The following NCOA3 variants were observed in gnomAD, a reference collection of about 807,000 sequenced individuals.
NCOA3 encodes CBP-interacting protein.
Under a neutral mutation model 158.8 loss-of-function variants are expected in NCOA3, and 51 were observed. The observed-to-expected ratio is 0.32, with a 90% CI of 0.26 to 0.41. The LOEUF (loss-of-function observed/expected upper bound fraction) is 0.41, where lower values mean the gene tolerates loss of function less well. NCOA3 is among the 10% of genes least tolerant of loss of function. The pLI, the probability that NCOA3 is intolerant of heterozygous loss-of-function variation, is 1.00. For missense variants in NCOA3, 1,510 were observed against 1,746.6 expected (o/e 0.86, Z 2.41); for synonymous variants, 537 against 592.4 (o/e 0.91, Z 1.36).
At position 47,635,518 on chromosome 20, in the gene NCOA3, A is replaced by C; in HGVS notation, c.1309A>C (p.Ser437Arg). The change falls in exon 11 of 23, where the codon AGT becomes CGT. Residue 437 changes from serine (S) to arginine (R), a missense_variant. This residue lies in a region of NCOA3 where 1,017 missense variants were observed against 1,098.3 expected (regional missense o/e 0.93). Coordinates refer to ENST00000371998, the MANE Select transcript of NCOA3 (RefSeq NM_181659.3). ...QMSGARYGGS[S>R]NIASLTPGPG... ...GAGTGGAGCTAGGTATGGGGGTTCC[A>C]GTAACATAGCTTCATTGACCCCTGG... 6.2e-7 allele frequency: 1 copy of C among 1,614,152 alleles called. No individual in the cohort carries two copies. Among genetic ancestry groups the C allele is most frequent in the South Asian group, 1.1e-5 (1 of 91,088 alleles).
intron 17 of NCOA3, among the ~76,000 whole-genome samples, chr20:47,646,714 A>G (rs187325479): frequency 6.6e-5 from 10 of 152,268 alleles, no homozygotes; most frequent in Middle Eastern, 3.4e-3. Flanking sequence ...AGTGTTGCGA[A>G]GTACAGTGGG....
At chr20:47,595,599 A>G (rs1482710066) in intron 2 of NCOA3, among the ~76,000 whole-genome samples, 1 of 152,178 alleles carries the variant, frequency 6.6e-6, no homozygotes, top group Non-Finnish European at 1.5e-5. Context: ...CTAAACTGTT[A>G]GAATAGCTGT....
At chr20:47,632,534 C>G (rs375397436) in intron 8 of NCOA3, among the ~76,000 whole-genome samples, 2 of 151,810 alleles carry the variant, frequency 1.3e-5, no homozygotes, top group African/African-American at 4.8e-5. Flanking sequence ...ATTACAGGTA[C>G]GCACCACCAC....
intron 2 of NCOA3, among the ~76,000 whole-genome samples, chr20:47,602,055 T>A (rs1158749900): frequency 6.6e-6 from 1 of 152,258 alleles, no homozygotes; most frequent in Non-Finnish European, 1.5e-5. Flanking sequence ...TTTAATGAGC[T>A]CAATATATTA....
intron 2 of NCOA3, among the ~76,000 whole-genome samples, chr20:47,617,990 G>A (rs1460193629): frequency 6.6e-6 from 1 of 152,090 alleles, no homozygotes; most frequent in Admixed American, 6.6e-5. Context: ...TGATTGCAGC[G>A]CTTTGGGAGG....
chr20:47,534,530 A>G (rs1372289411), intron 1 of NCOA3, among the ~76,000 whole-genome samples: 1 of 152,104 alleles, frequency 6.6e-6, no homozygotes, highest in Admixed American at 6.5e-5. Context: ...GAAAATGTCT[A>G]TTTATTGTAT....
chr20:47,560,775 TG>T (rs1317040112), intron 1 of NCOA3, among the ~76,000 whole-genome samples: 1 of 152,172 alleles, frequency 6.6e-6, no homozygotes, highest in Non-Finnish European at 1.5e-5. Flanking sequence ...TATTTTGGAA[TG>T]TAAATTCTCG....
chr20:47,584,313 A>T (rs1011629573), intron 2 of NCOA3, among the ~76,000 whole-genome samples: 1 of 152,092 alleles, frequency 6.6e-6, no homozygotes. Context: ...AAGTAAATAA[A>T]TAAATAATTA....
chr20:47,548,636 C>T (rs1313491196), intron 1 of NCOA3, among the ~76,000 whole-genome samples: 4 of 152,116 alleles, frequency 2.6e-5, no homozygotes, highest in East Asian at 3.8e-4. Flanking sequence ...TGGTACATGT[C>T]GATAGACATT....
At position 47,588,553 on chromosome 20, in the gene NCOA3, T is replaced by C. The variant is rs541509802; in HGVS notation, c.-20+5292T>C. 2.6e-5 allele frequency among the ~76,000 whole-genome samples: 4 copies of C among 152,348 alleles called. No homozygotes were observed. The East Asian group carries it at 7.7e-4, about 29-fold the overall frequency. On this transcript the variant is annotated intron_variant, in intron 2 of 22. Coordinates refer to ENST00000371998, the MANE Select transcript of NCOA3 (RefSeq NM_181659.3). ...TGCTGCCTCCCATTCTGATTTTTAT[T>C]TTTGTAATATGTAGAATAATAACAT...
chr20:47,618,347 A>ATT (rs2086174061), intron 2 of NCOA3, among the ~76,000 whole-genome samples: 1 of 96,474 alleles, frequency 1.0e-5, no homozygotes, highest in Admixed American at 1.0e-4. Context: ...ATTTTCCCTT[A>ATT]GTTTTTTTTT....
chr20:47,554,894 T>G (rs1318493856), intron 1 of NCOA3, among the ~76,000 whole-genome samples: 2 of 152,120 alleles, frequency 1.3e-5, no homozygotes. Context: ...GAGCCCACAT[T>G]GCCAAGTCAA....
Position 47,529,001 on chromosome 20 carries a change from G to A in NCOA3, c.-99+26982G>A, listed in dbSNP as rs371724937. 1.4e-3 allele frequency among the ~76,000 whole-genome samples: 219 copies of A among 151,788 alleles called. 2 individuals carry two copies. Among genetic ancestry groups the A allele is most frequent in the African/African-American group, 5.1e-3 (212 of 41,446 alleles). On this transcript the variant is annotated intron_variant, in intron 1 of 22. Coordinates refer to ENST00000371998, the MANE Select transcript of NCOA3 (RefSeq NM_181659.3). ...AGGCTGGTCTCGAACTCCCGACCTC[G>A]GGTGATCCACCCGCCTTGGCCTCCC...
intron 4 of NCOA3, among the ~76,000 whole-genome samples, chr20:47,624,980 C>T (rs1339750723): frequency 2.6e-5 from 4 of 152,056 alleles, no homozygotes; most frequent in African/African-American, 7.2e-5. Context: ...GCCATGTTGG[C>T]CAGGCTGGTC....
intron 1 of NCOA3, among the ~76,000 whole-genome samples, chr20:47,568,192 C>T (rs1221207589): frequency 6.6e-6 from 1 of 152,182 alleles, no homozygotes; most frequent in Non-Finnish European, 1.5e-5. Flanking sequence ...CTTTCCTTGA[C>T]AAGTGAGGAA....
intron 2 of NCOA3, among the ~76,000 whole-genome samples, chr20:47,606,352 G>A (rs867642048): frequency 6.6e-6 from 1 of 152,128 alleles, no homozygotes; most frequent in Non-Finnish European, 1.5e-5. Context: ...CATCCCGTTG[G>A]TGTTTGCACC....
Position 47,627,566 on chromosome 20 carries a change from G to A in NCOA3, c.538G>A (p.Gly180Arg). Residue 180 changes from glycine (G) to arginine (R), a missense_variant, in exon 7 of 23, where the codon GGA becomes AGA. Coordinates refer to ENST00000371998, the MANE Select transcript of NCOA3 (RefSeq NM_181659.3). ...LKNLPKSTVNGVSWTNETQRQ... is the reference protein window; with the variant it reads ...LKNLPKSTVNRVSWTNETQRQ... ...TTTCAATTTGTTTTCCAAAGTTAATGGAGTTTCCTGGACAAATGAGACCCA... is the reference window on the plus strand; with the variant it reads ...TTTCAATTTGTTTTCCAAAGTTAATAGAGTTTCCTGGACAAATGAGACCCA... 4.4e-6 allele frequency: 7 copies of A among 1,600,174 alleles called. No homozygotes were observed. The highest frequency in any genetic ancestry group is 5.1e-6 in the Non-Finnish European group (6 of 1,174,088).
intron 1 of NCOA3, among the ~76,000 whole-genome samples, chr20:47,515,257 AG>A (rs1187999698): frequency 6.6e-6 from 1 of 151,306 alleles, no homozygotes; most frequent in African/African-American, 2.4e-5. Context: ...CCGCCTCCTG[AG>A]TTCAAACAAT....
At chr20:47,641,383 A>C (rs1033760519) in intron 16 of NCOA3, among the ~76,000 whole-genome samples, 4 of 136,306 alleles carry the variant, frequency 2.9e-5, no homozygotes, top group African/African-American at 1.1e-4. Flanking sequence ...GCTGGAGTGC[A>C]GTGGTGCAAT....
Sources: allele counts gnomAD v4.1 joint callset (sites outside exome capture counted in the v4.1 genomes callset), GRCh38; gene constraint gnomAD v4.1.1; regional missense constraint gnomAD v4.1.1; transcripts MANE v1.5; gene names NCBI Gene and HGNC (gene_info 2026-07-23, HGNC 2026-07-21).